The following ZFAND4 variants were observed in gnomAD, a reference collection of about 807,000 sequenced individuals.
ZFAND4 encodes zinc finger AN1-type containing 4.
A neutral mutation model predicts 64.4 loss-of-function variants in ZFAND4; 43 were observed. That is an observed-to-expected ratio of 0.67 (90% CI 0.52 to 0.86). ZFAND4 has a LOEUF of 0.86. Among genes scored for constraint, ZFAND4 ranks in the 40% least tolerant of loss-of-function variants. ZFAND4 has a pLI of 0.00. For missense variants in ZFAND4, 929 were observed against 859.8 expected (o/e 1.08, Z -1.01); for synonymous variants, 296 against 305.7 (o/e 0.97, Z 0.33).
Position 45,626,261 on chromosome 10 carries a change from G to C in ZFAND4, c.1562C>G (p.Ser521Cys). The C allele has an allele frequency of 6.2e-7, 1 of 1,614,176 alleles. No homozygotes were observed. The highest frequency in any genetic ancestry group is 8.5e-7 in the Non-Finnish European group (1 of 1,180,050). Residue 521 changes from serine to cysteine, a missense_variant, in exon 7 of 10, where the codon TCT (serine) becomes TGT (cysteine). Physicochemically the swap from Ser to Cys is moderately radical, Grantham distance 112 (BLOSUM62 -1). Transcript: ENST00000344646. ...AACACCTTGAAAGCAAGTAGTCCTAGAGAAAGAAGAATCAGTTATGTTTTG... is the reference window on the plus strand; with the variant it reads ...AACACCTTGAAAGCAAGTAGTCCTACAGAAAGAAGAATCAGTTATGTTTTG... ...DVQNITDSSFSRTTCFQGVKV... is the reference protein window; with the variant it reads ...DVQNITDSSFCRTTCFQGVKV...
In ZFAND4 at chr10:45,626,416, A is replaced by G. The variant is rs1204820944; in HGVS notation, c.1407T>C (p.Asn469=). 1.2e-6 allele frequency: 2 copies of G among 1,613,914 alleles called. No homozygotes were observed. Among genetic ancestry groups the G allele is most frequent in the African/African-American group, 1.3e-5 (1 of 74,942 alleles). Reference sequence around the variant, plus strand: ...AACAGCGAAGAGGTGACAAGAGTCTATTCTTGTGAGGACTTAATTCCCGGT... The same window carrying G: ...AACAGCGAAGAGGTGACAAGAGTCTGTTCTTGTGAGGACTTAATTCCCGGT... The part of the protein sequence containing the change: ...LNYRELSPHK[N]RLLSPLRCSA... Residue 469 remains asparagine (N), a synonymous_variant, in exon 7 of 10, where the codon AAT becomes AAC. Transcript: ENST00000344646.
intron 8 of ZFAND4, among the ~76,000 whole-genome samples, chr10:45,618,953 A>C (rs1172343548): frequency 1.3e-5 from 2 of 152,186 alleles, no homozygotes; most frequent in Admixed American, 1.3e-4. Context: ...TTTTCCAAAA[A>C]TATTTACTGA....
intron 3 of ZFAND4, 82 bp from the exon 4 acceptor site, chr10:45,652,115 TCAGG>T: frequency 7.5e-7 from 1 of 1,340,170 alleles, no homozygotes; most frequent in South Asian, 1.2e-5. Flanking sequence ...TGCTGGCTTA[TCAGG>T]CAGAGTGGCC....
intron 5 of ZFAND4, among the ~76,000 whole-genome samples, chr10:45,643,669 CAAAAA>C (rs755281191): frequency 5.4e-5 from 3 of 56,064 alleles, no homozygotes; most frequent in Non-Finnish European, 7.9e-5. Context: ...GACTCCATCT[CAAAAA>C]AAAAAAAAAA....
In ZFAND4 at chr10:45,651,992, C is replaced by T. The variant is rs373779996; in HGVS notation, c.302G>A (p.Arg101His). Reference protein sequence around the residue: ...GCTLKLVLAMRGGPINTRRVP... With the variant: ...GCTLKLVLAMHGGPINTRRVP... Reference sequence around the variant, plus strand: ...TCTTCTAGTATTTATAGGTCCGCCACGCATAGCCAAAACTAGCTTCAAGGT... The same window carrying T: ...TCTTCTAGTATTTATAGGTCCGCCATGCATAGCCAAAACTAGCTTCAAGGT... Residue 101 changes from arginine (R) to histidine (H), a missense_variant, in exon 4 of 10, where the codon CGT (arginine) becomes CAT (histidine). Coordinates refer to ENST00000344646, the MANE Select transcript of ZFAND4 (RefSeq NM_174890.4). 4.5e-5 allele frequency: 73 copies of T among 1,613,670 alleles called. No individual in the cohort carries two copies. Among genetic ancestry groups the T allele is most frequent in the African/African-American group, 2.9e-4 (22 of 74,896 alleles).
chr10:45,617,586 G>A (rs1041576394), intron 9 of ZFAND4, among the ~76,000 whole-genome samples: 1 of 103,506 alleles, frequency 9.7e-6, no homozygotes, highest in Non-Finnish European at 1.8e-5. Flanking sequence ...TATGATTACA[G>A]TACTGAAAAA....
At chr10:45,629,152 C>A (rs749078869) in intron 6 of ZFAND4, among the ~76,000 whole-genome samples, 3 of 152,086 alleles carry the variant, frequency 2.0e-5, no homozygotes, top group Non-Finnish European at 4.4e-5. Context: ...TAATGGCTTA[C>A]TGCAGCCTCA....
At chr10:45,656,939 G>C (rs1264240458) in intron 2 of ZFAND4, among the ~76,000 whole-genome samples, 1 of 151,834 alleles carries the variant, frequency 6.6e-6, no homozygotes, top group Non-Finnish European at 1.5e-5. Context: ...GGACTTCCCA[G>C]CTCCAGAACC....
At chr10:45,656,321 C>T (rs563523084) in intron 2 of ZFAND4, among the ~76,000 whole-genome samples, 1 of 150,836 alleles carries the variant, frequency 6.6e-6, no homozygotes, top group South Asian at 2.1e-4. Flanking sequence ...GGGAATCGGC[C>T]AGGCAAGGTG....
In ZFAND4 at chr10:45,672,614, G is replaced by A. The variant is rs1379303693; in HGVS notation, c.-482C>T. On this transcript the variant is annotated 5_prime_UTR_variant, in exon 1 of 10. Coordinates refer to ENST00000344646, the MANE Select transcript of ZFAND4 (RefSeq NM_174890.4). ...CCACGACGGCCGGCGGCGGCAGCGC[G>A]GCTGGGCTCAGCGGCTCGCAGCCCG... The A allele has an allele frequency of 6.6e-6, 1 of 151,926 alleles. No homozygotes were observed. The highest frequency in any genetic ancestry group is 2.4e-5 in the African/African-American group (1 of 41,396). 9.4% of individuals were successfully genotyped at this position (151,926 alleles called of 1,614,324 possible).
At chr10:45,663,458 C>A in intron 2 of ZFAND4, 84 bp downstream of exon 2, 1 of 1,038,424 alleles carries the variant, frequency 9.6e-7, no homozygotes, top group Admixed American at 3.0e-5. Flanking sequence ...GAAATTGTCT[C>A]CATTAAAATA....
At chr10:45,628,845 T>C (rs893889392) in intron 6 of ZFAND4, among the ~76,000 whole-genome samples, 8 of 136,710 alleles carry the variant, frequency 5.9e-5, no homozygotes, top group African/African-American at 2.3e-4. Flanking sequence ...CTGCAAAGCC[T>C]ATGCCTGTGG....
At position 45,625,978 on chromosome 10, in the gene ZFAND4, G is replaced by T; in HGVS notation, c.1845C>A (p.Pro615=). The change falls in exon 7 of 10, where the codon CCC becomes CCA. Residue 615 remains proline (P), a synonymous_variant. Transcript: ENST00000344646. ...AAAAAACTCCTGTATGTTCTAACTG[G>T]GGAGAACTTTTCCTAAAGTTTTCTT... ...FQEENFRKSS[P]QLEHTGVFLS... The T allele has an allele frequency of 6.2e-7, 1 of 1,614,030 alleles. No homozygotes were observed. Among genetic ancestry groups the T allele is most frequent in the Non-Finnish European group, 8.5e-7 (1 of 1,180,016 alleles).
chr10:45,625,195 G>A (rs1274238389), intron 7 of ZFAND4, among the ~76,000 whole-genome samples: 32 of 149,860 alleles, frequency 2.1e-4, no homozygotes, highest in Admixed American at 1.1e-3. Context: ...AAAAAAGGCC[G>A]GGCGCAATGG....
intron 8 of ZFAND4, among the ~76,000 whole-genome samples, chr10:45,621,926 T>C (rs571272706): frequency 2.0e-5 from 3 of 152,260 alleles, no homozygotes; most frequent in African/African-American, 7.2e-5. Context: ...ATTATGGAGA[T>C]TGTCAGTGAC....
intron 6 of ZFAND4, among the ~76,000 whole-genome samples, chr10:45,639,302 G>T (rs993379802): frequency 5.3e-5 from 8 of 152,060 alleles, no homozygotes; most frequent in Non-Finnish European, 8.8e-5. Flanking sequence ...AACCTTCCAG[G>T]TCTCATGAGA....
Position 45,618,090 on chromosome 10 carries a change from C to A in ZFAND4, c.2048+50G>T, listed in dbSNP as rs1053205728. ...TATTTTATTTTGCATAATCCCCAAGCTGGGTTATCACAGAGAAAGCATCTG... is the reference window on the plus strand; with the variant it reads ...TATTTTATTTTGCATAATCCCCAAGATGGGTTATCACAGAGAAAGCATCTG... On this transcript the variant is annotated intron_variant, in intron 9 of 9. Coordinates refer to ENST00000344646, the MANE Select transcript of ZFAND4 (RefSeq NM_174890.4). 5.1e-6 allele frequency: 8 copies of A among 1,566,540 alleles called. No homozygotes were observed. In the African/African-American group the frequency reaches 8.3e-5, roughly 16 times the overall value.
At position 45,651,328 on chromosome 10, in the gene ZFAND4, A is replaced by G. The variant is rs2047743042; in HGVS notation, c.328+638T>C. On this transcript the variant is annotated intron_variant, in intron 4 of 9. Transcript: ENST00000344646. Reference sequence around the variant, plus strand: ...GGGCCCTTCCTACCCTATTTTCTGCATAGCACTTACAACCATTAGGAGTTA... The same window carrying G: ...GGGCCCTTCCTACCCTATTTTCTGCGTAGCACTTACAACCATTAGGAGTTA... 1.6e-5 allele frequency: 4 copies of G among 251,652 alleles called. No individual in the cohort carries two copies. The South Asian group carries it at 1.9e-4, about 12-fold the overall frequency. The allele number at this position is 251,652 out of a possible 1,614,324, so 15.6% of individuals were successfully genotyped here. A position where few individuals can be genotyped will look rare whatever the true frequency, so the allele number is the denominator to read the frequency against.
In ZFAND4 at chr10:45,626,005, C is replaced by T. The variant is rs774192167; in HGVS notation, c.1818G>A (p.Gln606=). 1.7e-5 allele frequency: 28 copies of T among 1,613,964 alleles called. No homozygotes were observed. The East Asian group carries it at 6.2e-4, about 36-fold the overall frequency. ...GAGAACTTTTCCTAAAGTTTTCTTC[C>T]TGAAAATGCTGGAGGTTTGTAGACA... ...TGLSTNLQHF[Q]EENFRKSSPQ... Residue 606 remains glutamine (Q), a synonymous_variant, in exon 7 of 10, where the codon CAG becomes CAA. Transcript: ENST00000344646.
Sources: gnomAD v4.1 joint callset for allele counts (sites outside exome capture counted in the v4.1 genomes callset) on GRCh38, gnomAD v4.1.1 for gene constraint, MANE v1.5 for transcripts, NCBI Gene and HGNC (gene_info 2026-07-23, HGNC 2026-07-21) for gene names.